The following LRRC7 variants were observed in gnomAD, a reference collection of about 807,000 sequenced individuals.
The protein encoded by LRRC7 is leucine-rich repeat-containing protein 7.
Under a neutral mutation model 175.7 loss-of-function variants are expected in LRRC7, and 23 were observed. The ratio of observed to expected loss-of-function variants is 0.13; its 90% CI spans 0.09 to 0.19. LRRC7 has a LOEUF of 0.19. LRRC7 is among the 10% of genes least tolerant of loss of function. The pLI is 1.00. For synonymous variants in LRRC7, 685 were observed against 680.9 expected (o/e 1.01, Z -0.09); for missense variants, 1,354 against 1,904.7 (o/e 0.71, Z 5.38).
At chr1:69,969,053 C>G (rs1032949613) in intron 8 of LRRC7, among the ~76,000 whole-genome samples, 4 of 151,892 alleles carry the variant, frequency 2.6e-5, no homozygotes, top group South Asian at 2.1e-4. Context: ...CTCCTGACCT[C>G]GTGATCTGCC....
intron 2 of LRRC7, among the ~76,000 whole-genome samples, chr1:69,729,100 C>T (rs1667285062): frequency 6.6e-6 from 1 of 152,136 alleles, no homozygotes; most frequent in Admixed American, 6.5e-5. Flanking sequence ...AAGAGCAGCA[C>T]AAGGGGGTAA....
chr1:70,086,712 C>T (rs1016572175), intron 24 of LRRC7, among the ~76,000 whole-genome samples: 1 of 151,920 alleles, frequency 6.6e-6, no homozygotes, highest in Admixed American at 6.6e-5. Context: ...GCACTCCAGC[C>T]TGAGAAACAG....
chr1:70,104,175 C>T (rs963670506), intron 25 of LRRC7, among the ~76,000 whole-genome samples: 4 of 152,190 alleles, frequency 2.6e-5, no homozygotes, highest in African/African-American at 9.6e-5. Flanking sequence ...TTTTAGAATA[C>T]AAACAGACTG....
intron 1 of LRRC7, among the ~76,000 whole-genome samples, chr1:69,655,669 G>T (rs1323604902): frequency 1.3e-5 from 2 of 151,950 alleles, no homozygotes; most frequent in Non-Finnish European, 2.9e-5. Flanking sequence ...GTAAAGAAAA[G>T]GAAAAAGGAT....
Position 69,990,264 on chromosome 1 carries a change from T to A in LRRC7, c.931+3878T>A, listed in dbSNP as rs369537499. On this transcript the variant is annotated intron_variant, in intron 10 of 26. Coordinates refer to ENST00000651989, the MANE Select transcript of LRRC7 (RefSeq NM_001370785.2). ...AATTTGGTAGAAATTAAGAAAGAAA[T>A]CTCTTCAGTATTTCTTAGTTGGGAG... 3.9e-5 allele frequency among the ~76,000 whole-genome samples: 6 copies of A among 152,044 alleles called. No individual in the cohort carries two copies. The East Asian group carries it at 5.8e-4, about 15-fold the overall frequency.
At chr1:69,820,173 T>TTATC (rs964220629) in intron 4 of LRRC7, among the ~76,000 whole-genome samples, 1 of 152,072 alleles carries the variant, frequency 6.6e-6, no homozygotes, top group Non-Finnish European at 1.5e-5. Context: ...TTATTTATTT[T>TTATC]TATCTTCTGT....
intron 1 of LRRC7, among the ~76,000 whole-genome samples, chr1:69,631,765 G>A (rs913455591): frequency 5.9e-5 from 9 of 152,048 alleles, no homozygotes; most frequent in Admixed American, 4.6e-4. Context: ...CTAAAAGCCC[G>A]ATCTCTACCT....
intron 2 of LRRC7, among the ~76,000 whole-genome samples, chr1:69,751,981 G>A (rs930341167): frequency 2.6e-5 from 4 of 152,058 alleles, no homozygotes; most frequent in Non-Finnish European, 5.9e-5. Flanking sequence ...TGTATTGATA[G>A]CAAATCAAAC....
At chr1:69,793,947 G>C (rs1380019056) in intron 4 of LRRC7, among the ~76,000 whole-genome samples, 2 of 150,916 alleles carry the variant, frequency 1.3e-5, no homozygotes, top group Non-Finnish European at 3.0e-5. Context: ...TAGAATCACT[G>C]TGGATAAGAC....
At chr1:69,713,755 AT>A (rs1443936205) in intron 2 of LRRC7, among the ~76,000 whole-genome samples, 1 of 151,368 alleles carries the variant, frequency 6.6e-6, no homozygotes, top group Non-Finnish European at 1.5e-5. Context: ...GGCATCTCGT[AT>A]GAAACTGATC....
At chr1:69,838,118 C>T in intron 6 of LRRC7, 109 bp from the exon 7 acceptor site, 1 of 626,342 alleles carries the variant, frequency 1.6e-6, no homozygotes. Context: ...TTTAAATATA[C>T]ATTATTGTTA....
At chr1:69,884,925 T>C (rs934276656) in intron 7 of LRRC7, among the ~76,000 whole-genome samples, 1 of 148,736 alleles carries the variant, frequency 6.7e-6, no homozygotes, top group African/African-American at 2.5e-5. Context: ...CATTTATTGA[T>C]TTGTGTATAT....
rs907228915 is a variant in LRRC7, at chr1:70,125,015, G to T, written c.*3128G>T. Among the ~76,000 whole-genome samples the T allele has an allele frequency of 1.8e-4, 28 of 152,260 alleles. No individual in the cohort carries two copies. Among genetic ancestry groups the T allele is most frequent in the East Asian group, 1.9e-4 (1 of 5,186 alleles). On this transcript the variant is annotated 3_prime_UTR_variant, in exon 27 of 27. Coordinates refer to ENST00000651989, the MANE Select transcript of LRRC7 (RefSeq NM_001370785.2). The stretch of plus-strand genomic sequence containing the variant: ...GACAATTTTTAAAACTATTTACAAG[G>T]CTCATAATATTTTGTCATTAAAGCT...
chr1:70,012,623 T>G (rs757315614), intron 12 of LRRC7, among the ~76,000 whole-genome samples: 33 of 151,692 alleles, frequency 2.2e-4, no homozygotes, highest in Non-Finnish European at 3.5e-4. Context: ...TATTTTTGAG[T>G]GTGTATGATC....
In LRRC7 at chr1:69,568,316, G is replaced by A; in HGVS notation, c.-324G>A. On this transcript the variant is annotated 5_prime_UTR_variant, in exon 1 of 27. Coordinates refer to ENST00000651989, the MANE Select transcript of LRRC7 (RefSeq NM_001370785.2). Reference sequence around the variant, plus strand: ...GCCGCCGCTGCTGCTGCGGTCGCTAGCGCGGCGCGCTGGGCAGGCTGAGGC... The same window carrying A: ...GCCGCCGCTGCTGCTGCGGTCGCTAACGCGGCGCGCTGGGCAGGCTGAGGC... 4.9e-6 allele frequency: 1 copy of A among 203,478 alleles called. No homozygotes were observed. The highest frequency in any genetic ancestry group is 9.6e-6 in the Non-Finnish European group (1 of 104,228). The allele number at this position is 203,478 out of a possible 1,614,324, so 12.6% of individuals were successfully genotyped here.
At chr1:70,047,242 A>G (rs1660399170) in intron 22 of LRRC7, among the ~76,000 whole-genome samples, 2 of 152,166 alleles carry the variant, frequency 1.3e-5, no homozygotes, top group Admixed American at 6.6e-5. Flanking sequence ...ATTGAATGAT[A>G]ATACTAGCTA....
chr1:70,109,416 GCC>G (rs988732624), intron 26 of LRRC7, among the ~76,000 whole-genome samples: 1 of 152,166 alleles, frequency 6.6e-6, no homozygotes, highest in African/African-American at 2.4e-5. Context: ...AGCTACTTCA[GCC>G]TGTGCCAATG....
At chr1:69,781,786 A>AAGGAAGG (rs1553155199) in intron 3 of LRRC7, among the ~76,000 whole-genome samples, 3 of 28,254 alleles carry the variant, frequency 1.1e-4, no homozygotes, top group Non-Finnish European at 1.8e-4. Flanking sequence ...AGAAAGAAAG[A>AAGGAAGG]AAGGAAGGAA....
intron 3 of LRRC7, among the ~76,000 whole-genome samples, chr1:69,766,078 GA>G (rs1332218038): frequency 1.3e-5 from 2 of 151,612 alleles, no homozygotes; most frequent in Non-Finnish European, 2.9e-5. Flanking sequence ...GACAATTGCA[GA>G]GAAAAAAATA....
Sources: gnomAD v4.1 joint callset for allele counts (sites outside exome capture counted in the v4.1 genomes callset) on GRCh38, gnomAD v4.1.1 for gene constraint, MANE v1.5 for transcripts, NCBI Gene and HGNC (gene_info 2026-07-23, HGNC 2026-07-21) for gene names.